Variants in SPHKAP observed in about 807,000 individuals in gnomAD.
SPHKAP encodes SPHK1 interactor, AKAP domain containing.
SPHKAP carries 67 observed loss-of-function variants against 137.5 expected under a neutral mutation model. The ratio of observed to expected loss-of-function variants is 0.49; its 90% confidence interval spans 0.40 to 0.60. The LOEUF (loss-of-function observed/expected upper bound fraction) is 0.60. Ranked by LOEUF, SPHKAP falls within the 20% of genes least tolerant of loss-of-function variation. SPHKAP has a pLI of 0.00. For synonymous variants in SPHKAP, 813 were observed against 785.3 expected, an observed-to-expected ratio of 1.04 and a Z score of -0.59; for missense variants, 2,097 against 2,069.3, an observed-to-expected ratio of 1.01 and a Z score of -0.26.
chr2:227,990,024 G>A (rs374120452), intron 11 of SPHKAP, among the ~76,000 whole-genome samples: 18 of 152,290 alleles, frequency 1.2e-4, no homozygotes, highest in African/African-American at 3.4e-4. Context: ...AGAGAATGTA[G>A]GTGGCCTCTG....
At chr2:228,106,288 T>C (rs1170636631) in intron 3 of SPHKAP, among the ~76,000 whole-genome samples, 1 of 152,184 alleles carries the variant, frequency 6.6e-6, no homozygotes, top group African/African-American at 2.4e-5. Context: ...AGAAGTTCAT[T>C]ACAGTGAATA....
chr2:228,021,657 A>C, intron 6 of SPHKAP, 54 bp downstream of exon 6: 5 of 1,556,824 alleles, frequency 3.2e-6, no homozygotes, highest in Non-Finnish European at 4.3e-6. Context: ...AATCTCACCA[A>C]GACATTTTTA....
chr2:228,145,577 C>T (rs6709575), intron 1 of SPHKAP, among the ~76,000 whole-genome samples: 114,288 of 152,088 alleles, frequency 0.75, 43,059 homozygotes, highest in East Asian at 0.77. Flanking sequence ...GAGTTTCTAT[C>T]ATTACAATTA....
chr2:228,018,645 G>C lies in SPHKAP; in HGVS notation c.2209C>G (p.Leu737Val), dbSNP rs772632558. Residue 737 changes from leucine to valine, a missense_variant, in exon 7 of 12, where the codon CTT becomes GTT. Physicochemically the swap from Leu to Val is conservative, Grantham distance 32. Transcript: ENST00000392056. ...IVRLGECPAV[L>V]SKETIRRRET... ...CTCCTTCTGATGGTCTCCTTAGAAA[G>C]GACAGCAGGACATTCACCAAGCCGT... 1.5e-5 allele frequency: 24 copies of C among 1,614,040 alleles called. No homozygotes were observed. Among genetic ancestry groups the C allele is most frequent in the Non-Finnish European group, 1.7e-5 (20 of 1,180,038 alleles).
chr2:228,093,902 A>G (rs1040065099), intron 3 of SPHKAP, among the ~76,000 whole-genome samples: 2 of 147,344 alleles, frequency 1.4e-5, no homozygotes, highest in African/African-American at 5.0e-5. Context: ...CTATTGGGAC[A>G]AGAAGTAGAT....
chr2:228,045,667 G>T (rs1414542608), intron 3 of SPHKAP, among the ~76,000 whole-genome samples: 1 of 151,834 alleles, frequency 6.6e-6, no homozygotes, highest in African/African-American at 2.4e-5. Flanking sequence ...GTTAATGGGT[G>T]CAGCACACCA....
chr2:228,000,346 C>T (rs141504352), intron 7 of SPHKAP, among the ~76,000 whole-genome samples: 14,506 of 152,124 alleles, frequency 0.095, 774 homozygotes, highest in Middle Eastern at 0.21. Flanking sequence ...CGGCCGGGCA[C>T]GGTGGCTCAC....
At chr2:228,158,670 A>T (rs1399540009) in intron 1 of SPHKAP, among the ~76,000 whole-genome samples, 2 of 152,180 alleles carry the variant, frequency 1.3e-5, no homozygotes. Context: ...TTCAGTCTAG[A>T]TTTATATTCT....
intron 3 of SPHKAP, among the ~76,000 whole-genome samples, chr2:228,052,901 T>A (rs758886780): frequency 3.9e-5 from 6 of 152,178 alleles, no homozygotes; most frequent in Non-Finnish European, 7.4e-5. Context: ...CTAGGTTGAT[T>A]GGAAGGGACC....
At chr2:228,118,240 G>GTT (rs71299665) in intron 2 of SPHKAP, among the ~76,000 whole-genome samples, 3,298 of 123,800 alleles carry the variant, frequency 0.027, 68 homozygotes, top group Non-Finnish European at 0.033. Flanking sequence ...GAGATACACA[G>GTT]TTTTTTTTTT....
chr2:228,143,270 G>A (rs1044840717), intron 1 of SPHKAP, among the ~76,000 whole-genome samples: 3 of 151,998 alleles, frequency 2.0e-5, no homozygotes, highest in East Asian at 1.9e-4. Flanking sequence ...GGCCAGGTGC[G>A]GTGGCTCACG....
intron 1 of SPHKAP, chr2:228,172,959 G>T: frequency 1.2e-6 from 1 of 824,994 alleles, no homozygotes; most frequent in Non-Finnish European, 1.5e-6. Context: ...GTACAATCCT[G>T]CCCTATGCTT....
chr2:228,111,726 A>G (rs939445877), intron 2 of SPHKAP, among the ~76,000 whole-genome samples: 1 of 152,062 alleles, frequency 6.6e-6, no homozygotes, highest in African/African-American at 2.4e-5. Flanking sequence ...CTTTACAGAA[A>G]TTTTCAGGTT....
intron 2 of SPHKAP, among the ~76,000 whole-genome samples, chr2:228,125,198 C>T (rs1399110988): frequency 1.3e-5 from 2 of 152,122 alleles, no homozygotes; most frequent in Non-Finnish European, 2.9e-5. Flanking sequence ...GACTCGGTTT[C>T]ACTATATCCT....
intron 3 of SPHKAP, among the ~76,000 whole-genome samples, chr2:228,092,187 A>C (rs1378756415): frequency 6.6e-5 from 9 of 135,436 alleles, no homozygotes; most frequent in Non-Finnish European, 1.1e-4. Flanking sequence ...ATGTGTGTAC[A>C]TGCATACACA....
chr2:228,161,714 A>G (rs1458454269), intron 1 of SPHKAP, among the ~76,000 whole-genome samples: 13 of 152,124 alleles, frequency 8.5e-5, no homozygotes, highest in Non-Finnish European at 1.5e-4. Context: ...GAACAAAATA[A>G]AATAAAATAA....
chr2:228,178,332 G>A (rs1323301487), intron 1 of SPHKAP, among the ~76,000 whole-genome samples: 1 of 152,064 alleles, frequency 6.6e-6, no homozygotes, highest in Non-Finnish European at 1.5e-5. Flanking sequence ...TTTCAGCTAG[G>A]AAATGGAGAT....
chr2:228,064,502 G>A (rs553359620), intron 3 of SPHKAP, among the ~76,000 whole-genome samples: 10 of 152,232 alleles, frequency 6.6e-5, no homozygotes, highest in African/African-American at 2.2e-4. Context: ...ATTATGTTAA[G>A]TATTTTCATT....
At chr2:228,123,115 C>G (rs1469829290) in intron 2 of SPHKAP, among the ~76,000 whole-genome samples, 1 of 152,190 alleles carries the variant, frequency 6.6e-6, no homozygotes, top group African/African-American at 2.4e-5. Context: ...ATCCAGTATT[C>G]CCCTCCTGGG....
Sources: gnomAD v4.1 joint callset for allele counts (sites outside exome capture counted in the v4.1 genomes callset) on GRCh38, gnomAD v4.1.1 for gene constraint, MANE v1.5 for transcripts, NCBI Gene and HGNC (gene_info 2026-07-23, HGNC 2026-07-21) for gene names.